The following SLC25A37 variants were observed in gnomAD, a reference collection of about 807,000 sequenced individuals.
SLC25A37 encodes the protein mitoferrin-1.
Under a neutral mutation model 31.0 loss-of-function variants are expected in SLC25A37, and 17 were observed. The observed-to-expected ratio is 0.55, with a 90% confidence interval of 0.38 to 0.82. SLC25A37 has a LOEUF of 0.82. SLC25A37 is among the 40% of genes least tolerant of loss of function. The pLI is 0.00. For missense variants in SLC25A37, 404 were observed against 465.8 expected (o/e 0.87, Z 1.22); for synonymous variants, 222 against 193.0 (o/e 1.15, Z -1.24).
At chr8:23,565,915 G>A (rs150494788) in intron 1 of SLC25A37, among the ~76,000 whole-genome samples, 193 bp from the exon 2 acceptor site, 6 of 152,272 alleles carry the variant, frequency 3.9e-5, no homozygotes, top group East Asian at 3.9e-4. Flanking sequence ...TGAAATGTAC[G>A]TGCACACATT....
At chr8:23,555,143 C>T (rs2942203) in intron 1 of SLC25A37, among the ~76,000 whole-genome samples, 70,408 of 151,442 alleles carry the variant, frequency 0.46, 16,715 homozygotes, top group African/African-American at 0.58. Flanking sequence ...ACCTTCCGGC[C>T]ACAGGTCCTC....
At chr8:23,564,613 T>C (rs1335490342) in intron 1 of SLC25A37, among the ~76,000 whole-genome samples, 1 of 133,718 alleles carries the variant, frequency 7.5e-6, no homozygotes, top group African/African-American at 2.9e-5. Context: ...GATCTTCTAC[T>C]TGGCGAGTAT....
intron 1 of SLC25A37, among the ~76,000 whole-genome samples, chr8:23,563,253 CAT>C (rs201111040): frequency 0.035 from 5,261 of 152,292 alleles, 134 homozygotes; most frequent in East Asian, 0.11. Flanking sequence ...GTGGCACAAA[CAT>C]AGCTCACTGC....
chr8:23,556,744 G>A (rs981190030), intron 1 of SLC25A37, among the ~76,000 whole-genome samples: 1 of 152,118 alleles, frequency 6.6e-6, no homozygotes, highest in Non-Finnish European at 1.5e-5. Flanking sequence ...TCAACTTAGG[G>A]ATAAAGTTAG....
rs1299310779 is a variant in SLC25A37, at chr8:23,571,653, T to C, written c.815T>C (p.Leu272Pro). Residue 272 changes from leucine (L) to proline (P), a missense_variant, in exon 4 of 4, where the codon CTG becomes CCG. Transcript: ENST00000519973. ...LNTQENVALS[L>P]ANISGRLSGM... is the part of the protein sequence containing the mutation. ...ACTCAGGAGAACGTGGCCCTCTCGCTGGCCAACATCAGCGGCCGGCTGTCG... is the reference window on the plus strand; with the variant it reads ...ACTCAGGAGAACGTGGCCCTCTCGCCGGCCAACATCAGCGGCCGGCTGTCG... 8.1e-6 allele frequency: 13 copies of C among 1,613,958 alleles called. No homozygotes were observed. The highest frequency in any genetic ancestry group is 1.0e-5 in the Non-Finnish European group (12 of 1,179,890).
chr8:23,549,369 G>C (rs987003914), intron 1 of SLC25A37, among the ~76,000 whole-genome samples: 1 of 152,102 alleles, frequency 6.6e-6, no homozygotes, highest in African/African-American at 2.4e-5. Context: ...CCAGGGAGAG[G>C]GTTTTAGCGT....
chr8:23,535,739 C>T (rs377195849), intron 1 of SLC25A37, among the ~76,000 whole-genome samples: 9 of 152,318 alleles, frequency 5.9e-5, no homozygotes, highest in African/African-American at 1.7e-4. Context: ...ACAATCATGG[C>T]AGAAGGCAAA....
intron 1 of SLC25A37, among the ~76,000 whole-genome samples, chr8:23,538,355 C>T (rs10104524): frequency 0.049 from 6,331 of 128,328 alleles, 262 homozygotes; most frequent in Admixed American, 0.11. Context: ...CACTCCAGCC[C>T]GGACAACAGA....
intron 1 of SLC25A37, among the ~76,000 whole-genome samples, chr8:23,563,204 T>A (rs1265333306): frequency 3.3e-5 from 5 of 152,204 alleles, no homozygotes; most frequent in Non-Finnish European, 7.3e-5. Flanking sequence ...TAATTTTTTT[T>A]AAGACAGGGT....
At chr8:23,545,271 CT>C (rs1331200161) in intron 1 of SLC25A37, among the ~76,000 whole-genome samples, 1 of 152,344 alleles carries the variant, frequency 6.6e-6, no homozygotes, top group South Asian at 2.1e-4. Context: ...CTTCTTGTCT[CT>C]TTTGAAAGGT....
rs1388119970 is a variant in SLC25A37 at position 23,528,993 on chromosome 8, G to A, written c.-10G>A. The A allele has an allele frequency of 2.0e-6, 3 of 1,489,074 alleles. No individual in the cohort carries two copies. The African/African-American group carries it at 4.3e-5, about 21-fold the overall frequency. The allele number at this position is 1,489,074 out of a possible 1,614,324, so 92.2% of individuals were successfully genotyped here. On this transcript the variant is annotated 5_prime_UTR_variant, in exon 1 of 4. Coordinates refer to ENST00000519973, the MANE Select transcript of SLC25A37 (RefSeq NM_016612.4). Reference sequence around the variant, plus strand: ...CTCCTGCAGCCTCCTGCGCCCCGCCGAGCTGGCGGATGGAGCTGCGCAGCG... The same window carrying A: ...CTCCTGCAGCCTCCTGCGCCCCGCCAAGCTGGCGGATGGAGCTGCGCAGCG...
intron 1 of SLC25A37, among the ~76,000 whole-genome samples, chr8:23,544,859 T>TA (rs767082483): frequency 7.9e-5 from 12 of 152,186 alleles, no homozygotes; most frequent in Non-Finnish European, 1.6e-4. Context: ...TCTGAAATCT[T>TA]AATTCCCTGT....
At chr8:23,539,716 G>C (rs561738744) in intron 1 of SLC25A37, among the ~76,000 whole-genome samples, 2 of 152,238 alleles carry the variant, frequency 1.3e-5, no homozygotes, top group African/African-American at 4.8e-5. Context: ...AAGCTTAGGT[G>C]AGATAGATTT....
intron 3 of SLC25A37, among the ~76,000 whole-genome samples, chr8:23,569,393 A>G (rs185375346): frequency 2.3e-5 from 3 of 131,820 alleles, no homozygotes; most frequent in East Asian, 2.2e-4. Flanking sequence ...TCTAAAACCT[A>G]TGTGTGCATA....
chr8:23,536,934 G>A (rs913553769), intron 1 of SLC25A37, among the ~76,000 whole-genome samples: 2 of 152,140 alleles, frequency 1.3e-5, no homozygotes, highest in African/African-American at 4.8e-5. Context: ...AGTGGCTCAC[G>A]CCTGTAATCC....
intron 1 of SLC25A37, among the ~76,000 whole-genome samples, chr8:23,557,085 A>C (rs113154195): frequency 6.6e-6 from 1 of 152,100 alleles, no homozygotes. Context: ...CCCTGACCTC[A>C]GGTAATCTGC....
At chr8:23,565,944 T>C (rs982928315) in intron 1 of SLC25A37, among the ~76,000 whole-genome samples, 164 bp from the exon 2 acceptor site, 1 of 152,268 alleles carries the variant, frequency 6.6e-6, no homozygotes, top group African/African-American at 2.4e-5. Context: ...TTTCATTATG[T>C]CCATGTAGAA....
At chr8:23,564,829 C>G (rs1802609603) in intron 1 of SLC25A37, among the ~76,000 whole-genome samples, 1 of 151,936 alleles carries the variant, frequency 6.6e-6, no homozygotes. Context: ...CTATATCTGT[C>G]TGTCTGTCTG....
At chr8:23,563,242 A>G (rs982200434) in intron 1 of SLC25A37, among the ~76,000 whole-genome samples, 2 of 151,868 alleles carry the variant, frequency 1.3e-5, no homozygotes, top group East Asian at 3.9e-4. Flanking sequence ...GCTGGAGTGC[A>G]GTGGCACAAA....
Sources: gnomAD v4.1 joint callset for allele counts (sites outside exome capture counted in the v4.1 genomes callset) on GRCh38, gnomAD v4.1.1 for gene constraint, MANE v1.5 for transcripts, NCBI Gene and HGNC (gene_info 2026-07-23, HGNC 2026-07-21) for gene names.